PTPRT: variants seen among roughly 807,000 people sequenced by gnomAD.
PTPRT encodes the protein receptor-type tyrosine-protein phosphatase T.
Under a neutral mutation model 176.8 loss-of-function variants are expected in PTPRT, and 56 were observed. The ratio of observed to expected loss-of-function variants is 0.32; its 90% CI spans 0.26 to 0.40. PTPRT has a LOEUF of 0.40. Ranked by LOEUF, PTPRT falls within the 10% of genes least tolerant of loss-of-function variation. PTPRT has a pLI of 1.00. For synonymous variants in PTPRT, 783 were observed against 739.0 expected (o/e 1.06, Z -0.96); for missense variants, 1,540 against 1,908.2 (o/e 0.81, Z 3.60).
chr20:42,227,597 ATTGTT>A (rs1301841639), intron 15 of PTPRT, among the ~76,000 whole-genome samples: 3 of 110,764 alleles, frequency 2.7e-5, no homozygotes, highest in African/African-American at 1.0e-4. Flanking sequence ...AAAGTCCCTC[ATTGTT>A]TTTTTTTTTT....
chr20:42,656,434 A>G (rs1292299102), intron 7 of PTPRT, among the ~76,000 whole-genome samples: 1 of 152,242 alleles, frequency 6.6e-6, no homozygotes, highest in African/African-American at 2.4e-5. Context: ...GCCATTGATT[A>G]TCAGCTCCAA....
At chr20:42,679,525 AAT>A in intron 6 of PTPRT, among the ~76,000 whole-genome samples, 1 of 152,316 alleles carries the variant, frequency 6.6e-6, no homozygotes, top group African/African-American at 2.4e-5. Flanking sequence ...AGAAAGAGAA[AAT>A]ATGAGAAGAA....
chr20:42,958,288 G>C, intron 1 of PTPRT, among the ~76,000 whole-genome samples: 1 of 67,272 alleles, frequency 1.5e-5, no homozygotes, highest in Non-Finnish European at 3.0e-5. Context: ...GAGGAGGGAA[G>C]GGGAGAGGAG....
At chr20:42,808,295 C>G (rs2145609300) in intron 2 of PTPRT, among the ~76,000 whole-genome samples, 1 of 152,288 alleles carries the variant, frequency 6.6e-6, no homozygotes, top group African/African-American at 2.4e-5. Context: ...GATTCTGAAT[C>G]CCAGAGAATC....
chr20:42,758,253 C>T (rs1174767626), intron 5 of PTPRT, among the ~76,000 whole-genome samples: 1 of 152,168 alleles, frequency 6.6e-6, no homozygotes, highest in Non-Finnish European at 1.5e-5. Context: ...TCATTGTTTC[C>T]TGCACCAAGT....
At chr20:42,706,481 A>G (rs1569099479) in intron 6 of PTPRT, among the ~76,000 whole-genome samples, 3 of 152,072 alleles carry the variant, frequency 2.0e-5, no homozygotes, top group African/African-American at 4.8e-5. Context: ...TTGCTGCATT[A>G]AAGTATTTTT....
intron 13 of PTPRT, chr20:42,270,364 C>T (rs1288150463): frequency 1.4e-6 from 1 of 722,184 alleles, no homozygotes; most frequent in South Asian, 1.5e-5. Context: ...GGGCAACTCT[C>T]CCCTCCCACC....
chr20:42,226,796 T>C (rs1453128017), intron 15 of PTPRT, among the ~76,000 whole-genome samples: 1 of 152,078 alleles, frequency 6.6e-6, no homozygotes, highest in Non-Finnish European at 1.5e-5. Flanking sequence ...CAAAAGGGTA[T>C]TGCTACGGTC....
At chr20:42,274,161 C>T (rs1483580447) in intron 13 of PTPRT, among the ~76,000 whole-genome samples, 4 of 152,186 alleles carry the variant, frequency 2.6e-5, no homozygotes, top group Non-Finnish European at 5.9e-5. Flanking sequence ...GGAAAGAGTT[C>T]CAGTCAACTT....
intron 7 of PTPRT, among the ~76,000 whole-genome samples, chr20:42,544,580 A>T: frequency 6.6e-6 from 1 of 152,036 alleles, no homozygotes; most frequent in Middle Eastern, 3.2e-3. Context: ...ATGTAAGAAA[A>T]CCCACTGTAT....
At chr20:42,919,403 T>C (rs1978999351) in intron 1 of PTPRT, among the ~76,000 whole-genome samples, 2 of 152,146 alleles carry the variant, frequency 1.3e-5, no homozygotes. Context: ...TGGATGACAA[T>C]GGGATTATGA....
At chr20:42,583,682 AT>A (rs1259320622) in intron 7 of PTPRT, among the ~76,000 whole-genome samples, 1 of 152,222 alleles carries the variant, frequency 6.6e-6, no homozygotes, top group Non-Finnish European at 1.5e-5. Flanking sequence ...ATATTCTCAA[AT>A]GGCTTATTAC....
At chr20:42,640,201 A>G (rs2074708756) in intron 7 of PTPRT, among the ~76,000 whole-genome samples, 1 of 152,176 alleles carries the variant, frequency 6.6e-6, no homozygotes, top group South Asian at 2.1e-4. Flanking sequence ...AATCCCACAC[A>G]TTAGAATATT....
chr20:42,468,428 C>G (rs1429000729), intron 8 of PTPRT, among the ~76,000 whole-genome samples: 1 of 152,216 alleles, frequency 6.6e-6, no homozygotes, highest in East Asian at 1.9e-4. Flanking sequence ...CACTGAGACT[C>G]TCCTTCAGTC....
intron 1 of PTPRT, among the ~76,000 whole-genome samples, chr20:42,913,889 CT>C (rs1978558138): frequency 6.6e-6 from 1 of 152,090 alleles, no homozygotes; most frequent in East Asian, 1.9e-4. Context: ...TTTCAAAAGC[CT>C]TTTTGAGACT....
At chr20:42,558,299 G>A (rs190030664) in intron 7 of PTPRT, among the ~76,000 whole-genome samples, 118 of 152,040 alleles carry the variant, frequency 7.8e-4, no homozygotes, top group Admixed American at 4.6e-3. Context: ...CTCCATCCAC[G>A]TCCCTGAAAA....
intron 3 of PTPRT, among the ~76,000 whole-genome samples, chr20:42,783,828 G>A (rs1482630624): frequency 6.6e-6 from 1 of 152,182 alleles, no homozygotes; most frequent in African/African-American, 2.4e-5. Context: ...AGGTGACTCT[G>A]GTGCAGTGTT....
intron 1 of PTPRT, among the ~76,000 whole-genome samples, chr20:43,034,084 C>T (rs1158258628): frequency 6.6e-6 from 1 of 152,208 alleles, no homozygotes; most frequent in Admixed American, 6.5e-5. Context: ...GGGGCCTCTG[C>T]CCTGGAGCTC....
chr20:42,633,978 T>TATATAATATTATTATAATATATTATAATA, intron 7 of PTPRT, among the ~76,000 whole-genome samples: 1 of 29,592 alleles, frequency 3.4e-5, no homozygotes, highest in Admixed American at 6.4e-4. Flanking sequence ...TTATAATATA[T>TATATAATATTATTATAATATATTATAATA]TATATATTAT....
Sources: allele counts gnomAD v4.1 joint callset (sites outside exome capture counted in the v4.1 genomes callset), GRCh38; gene constraint gnomAD v4.1.1; transcripts MANE v1.5; gene names NCBI Gene and HGNC (gene_info 2026-07-23, HGNC 2026-07-21).